SETBP1: variants seen among roughly 807,000 people sequenced by gnomAD.
The protein encoded by SETBP1 is SET binding protein 1.
A neutral mutation model predicts 101.0 loss-of-function variants in SETBP1; 9 were observed. That is an observed-to-expected ratio of 0.09 (90% CI 0.05 to 0.16). The LOEUF is 0.16. SETBP1 is among the 10% of genes least tolerant of loss of function. The pLI is 1.00. For missense variants in SETBP1, 1,858 were observed against 2,033.8 expected (o/e 0.91, Z 1.66); for synonymous variants, 818 against 788.5 (o/e 1.04, Z -0.63).
chr18:44,893,072 T>C (rs143534785), intron 3 of SETBP1, among the ~76,000 whole-genome samples: 501 of 152,270 alleles, frequency 3.3e-3, no homozygotes, highest in African/African-American at 0.012. Flanking sequence ...TTAGCAACCA[T>C]TGTTAGCTCA....
At chr18:44,845,613 C>T (rs2072709044) in intron 2 of SETBP1, among the ~76,000 whole-genome samples, 1 of 152,230 alleles carries the variant, frequency 6.6e-6, no homozygotes, top group East Asian at 1.9e-4. Context: ...GGCCCATTTC[C>T]ATGCATCCAG....
chr18:44,800,109 G>A (rs1015912636), intron 2 of SETBP1, among the ~76,000 whole-genome samples: 6 of 152,150 alleles, frequency 3.9e-5, no homozygotes, highest in African/African-American at 1.2e-4. Flanking sequence ...GATGGGCAGG[G>A]AAATTGTCAA....
At chr18:45,032,960 T>A (rs2073326948) in intron 4 of SETBP1, among the ~76,000 whole-genome samples, 1 of 152,210 alleles carries the variant, frequency 6.6e-6, no homozygotes, top group African/African-American at 2.4e-5. Flanking sequence ...GAAAAGGGCC[T>A]TTAATTGTTT....
intron 5 of SETBP1, among the ~76,000 whole-genome samples, chr18:45,040,709 A>G (rs2073491439): frequency 1.3e-5 from 2 of 152,248 alleles, no homozygotes; most frequent in Non-Finnish European, 1.5e-5. Flanking sequence ...ATAATTTACA[A>G]ATATGCCAAA....
intron 4 of SETBP1, among the ~76,000 whole-genome samples, chr18:45,028,037 T>A (rs2073205421): frequency 6.6e-6 from 1 of 152,102 alleles, no homozygotes. Flanking sequence ...ATACTTTAAG[T>A]TTTAGGGTAC....
At chr18:44,720,578 C>T (rs2069565236) in intron 2 of SETBP1, among the ~76,000 whole-genome samples, 1 of 152,156 alleles carries the variant, frequency 6.6e-6, no homozygotes, top group African/African-American at 2.4e-5. Context: ...GGAAGCTTCC[C>T]AGTGTCTACC....
chr18:44,696,225 C>T (rs563908841), intron 1 of SETBP1, among the ~76,000 whole-genome samples: 1 of 152,296 alleles, frequency 6.6e-6, no homozygotes, highest in East Asian at 1.9e-4. Context: ...CCTGCCTGTT[C>T]CCAAGAGACT....
At chr18:44,906,868 G>A (rs919296278) in intron 3 of SETBP1, among the ~76,000 whole-genome samples, 2 of 152,076 alleles carry the variant, frequency 1.3e-5, no homozygotes, top group Non-Finnish European at 1.5e-5. Context: ...CTTTAAAAAG[G>A]TATGACTACA....
At chr18:44,804,352 T>G (rs2071681367) in intron 2 of SETBP1, among the ~76,000 whole-genome samples, 1 of 152,160 alleles carries the variant, frequency 6.6e-6, no homozygotes, top group African/African-American at 2.4e-5. Context: ...TATTCTAATT[T>G]GCTTCAAATC....
chr18:44,823,388 T>C (rs959723663), intron 2 of SETBP1, among the ~76,000 whole-genome samples: 1 of 152,220 alleles, frequency 6.6e-6, no homozygotes, highest in Non-Finnish European at 1.5e-5. Context: ...AAACCAATGA[T>C]AGCTTCTCCC....
chr18:44,841,794 A>T (rs1169806115), intron 2 of SETBP1, among the ~76,000 whole-genome samples: 1 of 151,982 alleles, frequency 6.6e-6, no homozygotes, highest in Non-Finnish European at 1.5e-5. Flanking sequence ...CTGACTTATC[A>T]CCTCTTTTCA....
chr18:44,807,856 G>A (rs986752918), intron 2 of SETBP1, among the ~76,000 whole-genome samples: 1 of 152,172 alleles, frequency 6.6e-6, no homozygotes, highest in African/African-American at 2.4e-5. Context: ...GATGATGGCA[G>A]CTTCAGGGTG....
At chr18:45,029,917 C>T (rs1482487496) in intron 4 of SETBP1, among the ~76,000 whole-genome samples, 1 of 151,550 alleles carries the variant, frequency 6.6e-6, no homozygotes, top group East Asian at 1.9e-4. Context: ...TGGGCTGAGA[C>T]AATGGGGTTT....
chr18:44,748,213 G>A (rs1223244941), intron 2 of SETBP1, among the ~76,000 whole-genome samples: 1 of 152,020 alleles, frequency 6.6e-6, no homozygotes, highest in African/African-American at 2.4e-5. Context: ...AAGGAAGGAA[G>A]GAAGGAAGCC....
chr18:44,837,061 G>A (rs1330640591), intron 2 of SETBP1, among the ~76,000 whole-genome samples: 3 of 152,214 alleles, frequency 2.0e-5, no homozygotes, highest in Non-Finnish European at 2.9e-5. Context: ...AGGGCAGGAA[G>A]GGCTCTGCTC....
At chr18:44,779,246 C>G (rs2071073546) in intron 2 of SETBP1, among the ~76,000 whole-genome samples, 1 of 152,150 alleles carries the variant, frequency 6.6e-6, no homozygotes, top group Non-Finnish European at 1.5e-5. Flanking sequence ...CTGTTTTCTT[C>G]TCATATACAC....
chr18:44,710,817 T>A (rs986491019), intron 2 of SETBP1, among the ~76,000 whole-genome samples: 3 of 152,182 alleles, frequency 2.0e-5, no homozygotes, highest in Admixed American at 2.0e-4. Context: ...CAAACTGTTT[T>A]GGGGAAAGTG....
intron 2 of SETBP1, among the ~76,000 whole-genome samples, chr18:44,832,830 G>T (rs978114406): frequency 1.3e-5 from 2 of 152,232 alleles, no homozygotes; most frequent in Non-Finnish European, 2.9e-5. Context: ...TACACAAAAT[G>T]CATGCTGTTC....
intron 5 of SETBP1, among the ~76,000 whole-genome samples, chr18:45,050,150 A>G (rs1191107639): frequency 6.6e-6 from 1 of 152,256 alleles, no homozygotes; most frequent in African/African-American, 2.4e-5. Context: ...AAATACTGCA[A>G]TATACACTGT....
Sources: allele counts gnomAD v4.1 joint callset (sites outside exome capture counted in the v4.1 genomes callset), GRCh38; gene constraint gnomAD v4.1.1; transcripts MANE v1.5; gene names NCBI Gene and HGNC (gene_info 2026-07-23, HGNC 2026-07-21).